The following PDZD2 variants were observed in gnomAD, a reference collection of about 807,000 sequenced individuals.
PDZD2 encodes the protein PDZ domain-containing protein 2.
A neutral mutation model predicts 220.7 loss-of-function variants in PDZD2; 90 were observed. That is an observed-to-expected ratio of 0.41 (90% CI 0.34 to 0.49). PDZD2 has a LOEUF of 0.49. PDZD2 is among the 20% of genes least tolerant of loss of function. The pLI is 0.28. For missense variants in PDZD2, 3,174 were observed against 3,608.5 expected, an observed-to-expected ratio of 0.88 and a Z score of 3.08; for synonymous variants, 1,375 against 1,450.5, an observed-to-expected ratio of 0.95 and a Z score of 1.18.
intron 2 of PDZD2, among the ~76,000 whole-genome samples, chr5:31,865,116 G>C (rs957015979): frequency 6.6e-6 from 1 of 151,984 alleles, no homozygotes; most frequent in African/African-American, 2.4e-5. Context: ...CAAAGTGCTG[G>C]GATTACAGGC....
intron 1 of PDZD2, among the ~76,000 whole-genome samples, chr5:31,754,867 A>G (rs1751216461): frequency 6.6e-6 from 1 of 152,230 alleles, no homozygotes; most frequent in Non-Finnish European, 1.5e-5. Context: ...CTGTGAAATG[A>G]CATGAAACTC....
Position 31,726,183 on chromosome 5 carries a change from G to C in PDZD2, c.-360-72706G>C, listed in dbSNP as rs372325789. ...CTGAGTTAACTTCCAGGGCCAGGGA[G>C]TGATGCTTGCACATGCCGTTGCCAC... On this transcript the variant is annotated intron_variant, in intron 1 of 24. Transcript: ENST00000438447. Among the ~76,000 whole-genome samples, 43 of 152,340 alleles carry C rather than the reference G, an allele frequency of 2.8e-4. No individual in the cohort carries two copies. In the East Asian group the frequency reaches 3.5e-3, roughly 12 times the overall value.
Position 32,061,145 on chromosome 5 carries a change from C to A in PDZD2, c.2451+11C>A, listed in dbSNP as rs779110050. ...CACCCTAATCCAAAGGTGAGGTGGT[C>A]CACCCTCTTCTGAACGTGGGAAGAT... is the stretch of plus-strand genomic sequence containing the variant. On this transcript the variant is annotated intron_variant, in intron 14 of 24. Coordinates refer to ENST00000438447, the MANE Select transcript of PDZD2 (RefSeq NM_178140.4). The A allele has an allele frequency of 3.8e-5, 62 of 1,613,370 alleles. No homozygotes were observed. The highest frequency in any genetic ancestry group is 5.1e-5 in the Non-Finnish European group (60 of 1,179,478).
rs75974996 is a variant in PDZD2, at chr5:31,996,017, A to G, written c.1121+299A>G. 5.7e-3 allele frequency among the ~76,000 whole-genome samples: 870 copies of G among 152,270 alleles called. 20 individuals are homozygous for G. The highest frequency in any genetic ancestry group is 0.044 in the East Asian group (228 of 5,184). The stretch of plus-strand genomic sequence containing the variant: ...ATGTTACGTATCCTAACTTGCTGAG[A>G]TGATATGAGGCTACTTATTGAGAAT... On this transcript the variant is annotated intron_variant, in intron 4 of 24. Transcript: ENST00000438447.
In PDZD2 at chr5:32,069,752, T is replaced by C. The variant is rs539829921; in HGVS notation, c.2533+102T>C. The C allele has an allele frequency of 8.5e-5, 58 of 679,836 alleles. No homozygotes were observed. The African/African-American group carries it at 9.5e-4, about 11-fold the overall frequency. 42.1% of individuals were successfully genotyped at this position (679,836 alleles called of 1,614,324 possible). Reference sequence around the variant, plus strand: ...AGTATTATTGGATTCTTGGTAATTATCAGGTTTGGCAAAAGTAGCTGTCAA... The same window carrying C: ...AGTATTATTGGATTCTTGGTAATTACCAGGTTTGGCAAAAGTAGCTGTCAA... On this transcript the variant is annotated intron_variant, in intron 15 of 24. Coordinates refer to ENST00000438447, the MANE Select transcript of PDZD2 (RefSeq NM_178140.4).
At chr5:31,777,526 A>C (rs914928565) in intron 1 of PDZD2, among the ~76,000 whole-genome samples, 5 of 152,232 alleles carry the variant, frequency 3.3e-5, no homozygotes, top group Non-Finnish European at 7.3e-5. Context: ...ACTGGCGGGC[A>C]GCTCTGCCCT....
intron 5 of PDZD2, among the ~76,000 whole-genome samples, chr5:32,001,874 AG>A (rs1472308577): frequency 6.6e-6 from 1 of 152,176 alleles, no homozygotes; most frequent in African/African-American, 2.4e-5. Context: ...ACTAGGGCAG[AG>A]GCTATGTGAC....
intron 10 of PDZD2, among the ~76,000 whole-genome samples, chr5:32,056,145 A>G (rs1739063167): frequency 1.3e-5 from 2 of 152,228 alleles, no homozygotes; most frequent in African/African-American, 4.8e-5. Flanking sequence ...CTTTTCCCCT[A>G]TGGAAACAAC....
intron 2 of PDZD2, among the ~76,000 whole-genome samples, chr5:31,837,166 G>C (rs12187694): frequency 0.24 from 36,728 of 152,100 alleles, 5,264 homozygotes; most frequent in Non-Finnish European, 0.31. Context: ...AATTCTCAAT[G>C]AGAATATCAG....
intron 1 of PDZD2, among the ~76,000 whole-genome samples, chr5:31,796,294 G>C (rs1754020276): frequency 6.6e-6 from 1 of 152,168 alleles, no homozygotes; most frequent in South Asian, 2.1e-4. Flanking sequence ...TTTCTGGTTA[G>C]GGCGAGGGCA....
intron 16 of PDZD2, 25 bp from the exon 17 acceptor site, chr5:32,072,136 T>A (rs373711549): frequency 6.4e-7 from 1 of 1,565,308 alleles, no homozygotes; most frequent in African/African-American, 1.4e-5. Flanking sequence ...TTTTCTTAGT[T>A]ATCGGATGTT....
chr5:32,052,032 A>C (rs377220555), intron 8 of PDZD2, among the ~76,000 whole-genome samples: 3 of 152,212 alleles, frequency 2.0e-5, no homozygotes, highest in African/African-American at 7.2e-5. Flanking sequence ...TCCATTCCAG[A>C]TGTAGAATCT....
At chr5:31,964,991 G>A (rs986810089) in intron 2 of PDZD2, among the ~76,000 whole-genome samples, 3 of 152,148 alleles carry the variant, frequency 2.0e-5, no homozygotes, top group Admixed American at 2.0e-4. Flanking sequence ...CAAAATGCTG[G>A]GATTACAGGC....
At chr5:31,852,411 G>T (rs1758111427) in intron 2 of PDZD2, among the ~76,000 whole-genome samples, 1 of 151,698 alleles carries the variant, frequency 6.6e-6, no homozygotes, top group Non-Finnish European at 1.5e-5. Flanking sequence ...CTCCCAAGTA[G>T]AGTAGCTGGG....
chr5:32,016,611 G>A (rs1753806811), intron 6 of PDZD2, among the ~76,000 whole-genome samples: 1 of 152,142 alleles, frequency 6.6e-6, no homozygotes, highest in Admixed American at 6.5e-5. Context: ...TACCACTTAG[G>A]CTGCTTCTAT....
Position 32,092,334 on chromosome 5 carries a change from A to AGAC in PDZD2, c.7728-572_7728-570dup, listed in dbSNP as rs374989443. Among the ~76,000 whole-genome samples, 1,160 of 148,548 alleles carry AGAC rather than the reference A, an allele frequency of 7.8e-3. 17 individuals are homozygous for AGAC. The highest frequency in any genetic ancestry group is 0.027 in the African/African-American group (1,098 of 40,138). On this transcript the variant is annotated intron_variant, in intron 20 of 24. Transcript: ENST00000438447. ...AGGCCTATAGTCCCAGCACTTTGGG[A>AGAC]GACCAAGGCAGGCGGATCACTTGAG...
chr5:31,939,342 A>G (rs1746026680), intron 2 of PDZD2, among the ~76,000 whole-genome samples: 1 of 152,022 alleles, frequency 6.6e-6, no homozygotes, highest in Non-Finnish European at 1.5e-5. Flanking sequence ...AACTGCTGAA[A>G]CTCAACTGGA....
intron 10 of PDZD2, 139 bp downstream of exon 10, chr5:32,054,022 G>A (rs949272989): frequency 6.7e-6 from 4 of 599,402 alleles, no homozygotes; most frequent in Non-Finnish European, 6.1e-6. Context: ...TGTAACCTGA[G>A]CTTCACTTTC....
intron 2 of PDZD2, among the ~76,000 whole-genome samples, chr5:31,818,602 C>G (rs76346809): frequency 0.12 from 18,009 of 152,190 alleles, 1,122 homozygotes; most frequent in Non-Finnish European, 0.14. Context: ...CTCTTGCTGA[C>G]TGCTTGCTCC....
Sources: gnomAD v4.1 joint callset for allele counts (sites outside exome capture counted in the v4.1 genomes callset) on GRCh38, gnomAD v4.1.1 for gene constraint, MANE v1.5 for transcripts, NCBI Gene and HGNC (gene_info 2026-07-23, HGNC 2026-07-21) for gene names.